Variants in KDM5C observed in about 807,000 individuals in gnomAD.
The protein encoded by KDM5C is lysine-specific demethylase 5C.
A neutral mutation model predicts 110.6 loss-of-function variants in KDM5C; 16 were observed. That is an observed-to-expected ratio of 0.14 (90% confidence interval 0.10 to 0.22). The LOEUF is 0.22. KDM5C is among the 10% of genes least tolerant of loss of function. KDM5C has a pLI of 1.00. For missense variants in KDM5C, 681 were observed against 1,300.9 expected, an observed-to-expected ratio of 0.52 and a Z score of 7.33; for synonymous variants, 511 against 520.4, an observed-to-expected ratio of 0.98 and a Z score of 0.24.
At chrX:53,189,827 G>A (rs890187262), downstream of KDM5C, among the ~76,000 whole-genome samples, 4 of 112,567 alleles carry the variant, frequency 3.6e-5, no homozygotes, top group Non-Finnish European at 7.5e-5. Flanking sequence ...GGGGTGGGAG[G>A]AGAGACAGAC....
At chrX:53,184,020 T>C (rs782039996) in intron 25 of KDM5C, among the ~76,000 whole-genome samples, 2 of 111,560 alleles carry the variant, frequency 1.8e-5, no homozygotes, top group South Asian at 7.4e-4. Flanking sequence ...TTTAGATCTT[T>C]AATTTCTTTC....
chrX:53,180,719 CTTTT>C (rs1173641591), intron 25 of KDM5C, among the ~76,000 whole-genome samples: 47 of 30,284 alleles, frequency 1.6e-3, no homozygotes, highest in Non-Finnish European at 1.9e-3. Context: ...CCACACCCGG[CTTTT>C]TTTTTTTTTT....
At chrX:53,195,207 G>A (rs1453175270) in intron 21 of KDM5C, 24 bp downstream of exon 21, 3 of 1,189,881 alleles carry the variant, frequency 2.5e-6, no homozygotes, top group East Asian at 3.0e-5. Flanking sequence ...AAGAGACGCT[G>A]TAGGTCAAGG....
At chrX:53,223,880 G>T (rs1381631328) in intron 1 of KDM5C, among the ~76,000 whole-genome samples, 1 of 111,652 alleles carries the variant, frequency 9.0e-6, no homozygotes, top group Non-Finnish European at 1.9e-5. Flanking sequence ...CAAGCTGACC[G>T]GTCCAAACAT....
At chrX:53,198,368 G>C in intron 17 of KDM5C, 122 bp downstream of exon 17, 1 of 900,074 alleles carries the variant, frequency 1.1e-6, no homozygotes, top group South Asian at 2.1e-5. Context: ...TCTTGTGCCT[G>C]GCAGCTTCCT....
intron 19 of KDM5C, among the ~76,000 whole-genome samples, chrX:53,196,373 G>A (rs1201609502): frequency 8.9e-6 from 1 of 112,496 alleles, no homozygotes; most frequent in African/African-American, 3.2e-5. Flanking sequence ...GCCCTGTGTG[G>A]GGTCTTTCTA....
chrX:53,202,165 A>C, intron 12 of KDM5C, 192 bp from the exon 13 acceptor site: 1 of 448,903 alleles, frequency 2.2e-6, no homozygotes, highest in Non-Finnish European at 3.8e-6. Flanking sequence ...GTGTGTTGAG[A>C]TGATAGGAAG....
chrX:53,183,560 ATTTCTTTTTTT>A (rs1203317937), intron 25 of KDM5C, among the ~76,000 whole-genome samples: 5 of 100,117 alleles, frequency 5.0e-5, no homozygotes, highest in Non-Finnish European at 1.0e-4. Context: ...CAGCTTTTTC[ATTTCTTTTTTT>A]TTTCTTTTTT....
At chrX:53,187,984 C>T (rs1197259908), downstream of KDM5C, among the ~76,000 whole-genome samples, 3 of 110,001 alleles carry the variant, frequency 2.7e-5, no homozygotes, top group Admixed American at 2.9e-4. Context: ...CCACATGATT[C>T]GCCCGCCTCG....
chrX:53,224,692 C>G (rs781841797), intron 1 of KDM5C, 48 bp downstream of exon 1: 2 of 1,203,897 alleles, frequency 1.7e-6, no homozygotes, highest in Non-Finnish European at 2.2e-6. Context: ...GGCTATCCTA[C>G]TGCTTCATTC....
At chrX:53,212,306 C>CTTT (rs1188707416) in intron 8 of KDM5C, 11 of 134,489 alleles carry the variant, frequency 8.2e-5, no homozygotes, top group Admixed American at 1.8e-4. Context: ...AAATGTGATT[C>CTTT]TTTTTTTTTT....
Position 53,196,777 on chromosome X carries a change from G to A in KDM5C, c.2890C>T (p.Pro964Ser). 4.9e-6 allele frequency: 6 copies of A among 1,212,290 alleles called. No homozygotes were observed. The highest frequency in any genetic ancestry group is 5.6e-6 in the Non-Finnish European group (5 of 895,546). ...LVAGASVAPS[P>S]AVDKAQAELQ... The stretch of plus-strand genomic sequence containing the variant: ...TCGGCCTGGGCTTTATCCACAGCAG[G>A]GCTAGGGGCTACACTGGCACCCGCG... The change falls in exon 19 of 26, where the codon CCT (proline) becomes TCT (serine). Residue 964 changes from proline (P) to serine (S), a missense_variant. Physicochemically the swap from Pro to Ser is moderately conservative, Grantham distance 74. Transcript: ENST00000375401.
intron 1 of KDM5C, among the ~76,000 whole-genome samples, chrX:53,223,208 C>G (rs1381003556): frequency 1.8e-5 from 2 of 111,592 alleles, no homozygotes; most frequent in Non-Finnish European, 3.8e-5. Flanking sequence ...CTCAACTACC[C>G]CCTACGTCAG....
rs1025427757 is a variant in KDM5C, at chrX:53,197,841, G to A, written c.2552C>T (p.Thr851Ile). ...CTGGTCCAGAAAGGCCCGGAGCTCA[G>A]TCAGGGTCATCTGTAGACCAGCCAC... ...HRVAGLQMTL[T>I]ELRAFLDQMN... Residue 851 changes from threonine to isoleucine, a missense_variant, in exon 18 of 26, where the codon ACT becomes ATT. Around this residue, in one of 14 missense-constraint regions of KDM5C, gnomAD observed 123 missense variants for 169.0 expected, o/e 0.73. Transcript: ENST00000375401. 3 of 1,200,737 alleles carry A rather than the reference G, an allele frequency of 2.5e-6. No homozygotes were observed. In the African/African-American group the frequency reaches 5.2e-5, roughly 21 times the overall value.
intron 20 of KDM5C, 102 bp downstream of exon 20, chrX:53,195,814 C>A: frequency 1.0e-6 from 1 of 960,264 alleles, no homozygotes; most frequent in South Asian, 2.2e-5. Flanking sequence ...TTCCTCTCTC[C>A]AGCCAACCCA....
chrX:53,210,918 A>G, intron 10 of KDM5C, 61 bp from the exon 11 acceptor site: 3 of 1,075,487 alleles, frequency 2.8e-6, no homozygotes, highest in Non-Finnish European at 3.9e-6. Context: ...TGAGATCTTA[A>G]GTCATTTTCT....
rs1238153336 is a variant in KDM5C, at chrX:53,217,410, C to A, written c.523-133G>T. ...TGACCCACACCAACAGCCCCTGTTC[C>A]ACTGGTCTTTAGCACTGACACCAGC... On this transcript the variant is annotated intron_variant, in intron 4 of 25. Coordinates refer to ENST00000375401, the MANE Select transcript of KDM5C (RefSeq NM_004187.5). 1.0e-5 allele frequency: 8 copies of A among 765,271 alleles called. No individual in the cohort carries two copies. In the African/African-American group the frequency reaches 1.5e-4, roughly 14 times the overall value. The allele number at this position is 765,271 out of a possible 1,213,427, so 63.1% of individuals were successfully genotyped here.
At chrX:53,207,100 C>G (rs1227962212) in intron 12 of KDM5C, among the ~76,000 whole-genome samples, 3 of 93,486 alleles carry the variant, frequency 3.2e-5, no homozygotes, top group African/African-American at 1.2e-4. Context: ...TCGCTTGAAC[C>G]CGGGAGGCGG....
At chrX:53,214,590 CCTAAGA>C (rs2073686842) in intron 8 of KDM5C, 93 bp downstream of exon 8, 1 of 995,172 alleles carries the variant, frequency 1.0e-6, no homozygotes, top group African/African-American at 1.9e-5. Flanking sequence ...AGACCCAAAA[CCTAAGA>C]CTATGGCTGA....
Sources: gnomAD v4.1 joint callset for allele counts (sites outside exome capture counted in the v4.1 genomes callset) on GRCh38, gnomAD v4.1.1 for gene constraint, gnomAD v4.1.1 regional missense constraint, MANE v1.5 for transcripts, NCBI Gene and HGNC (gene_info 2026-07-23, HGNC 2026-07-21) for gene names.